KHDRBS2: variants seen among roughly 807,000 people sequenced by gnomAD.
KHDRBS2 encodes KH domain-containing, RNA-binding, signal transduction-associated protein 2.
Under a neutral mutation model 44.3 loss-of-function variants are expected in KHDRBS2, and 26 were observed. That is an observed-to-expected ratio of 0.59 (90% CI 0.43 to 0.81). The LOEUF (loss-of-function observed/expected upper bound fraction) is 0.81. Among genes scored for constraint, KHDRBS2 ranks in the 40% least tolerant of loss-of-function variants. The pLI is 0.00. For missense variants in KHDRBS2, 476 were observed against 433.1 expected, an observed-to-expected ratio of 1.10 and a Z score of -0.88; for synonymous variants, 194 against 151.1, an observed-to-expected ratio of 1.28 and a Z score of -2.08.
intron 1 of KHDRBS2, among the ~76,000 whole-genome samples, chr6:62,273,721 C>G (rs1339090982): frequency 1.3e-5 from 2 of 152,106 alleles, no homozygotes; most frequent in Non-Finnish European, 2.9e-5. Context: ...CCATCTTTCT[C>G]CAGACCCAAC....
At chr6:62,123,404 G>T (rs1407660358) in intron 2 of KHDRBS2, among the ~76,000 whole-genome samples, 5 of 152,084 alleles carry the variant, frequency 3.3e-5, no homozygotes, top group Non-Finnish European at 7.3e-5. Flanking sequence ...AAACTTTTGG[G>T]TATATACCCA....
intron 2 of KHDRBS2, among the ~76,000 whole-genome samples, chr6:62,163,447 A>T (rs929366956): frequency 2.0e-5 from 3 of 152,022 alleles, no homozygotes; most frequent in African/African-American, 7.2e-5. Flanking sequence ...TCATATACAG[A>T]CTGATGAGTA....
At chr6:62,133,295 T>C (rs1810767351) in intron 2 of KHDRBS2, among the ~76,000 whole-genome samples, 1 of 152,170 alleles carries the variant, frequency 6.6e-6, no homozygotes, top group African/African-American at 2.4e-5. Context: ...TGGGGGCAGC[T>C]TTCCCCACAC....
chr6:61,957,836 A>T (rs1767754457), intron 4 of KHDRBS2, among the ~76,000 whole-genome samples: 1 of 152,042 alleles, frequency 6.6e-6, no homozygotes, highest in Non-Finnish European at 1.5e-5. Flanking sequence ...TTTGAAAATC[A>T]CTAATAAAAA....
chr6:62,271,455 A>G (rs1420297679), intron 1 of KHDRBS2, among the ~76,000 whole-genome samples: 1 of 152,226 alleles, frequency 6.6e-6, no homozygotes, highest in African/African-American at 2.4e-5. Flanking sequence ...TATGTATTAT[A>G]CAATACTTTT....
chr6:62,170,355 A>C (rs2150118793), intron 2 of KHDRBS2, among the ~76,000 whole-genome samples: 1 of 152,176 alleles, frequency 6.6e-6, no homozygotes, highest in African/African-American at 2.4e-5. Flanking sequence ...CATGGACCAA[A>C]ACATCCAGCA....
intron 1 of KHDRBS2, among the ~76,000 whole-genome samples, chr6:62,232,779 C>G (rs1233663366): frequency 6.6e-6 from 1 of 152,080 alleles, no homozygotes; most frequent in Admixed American, 6.6e-5. Flanking sequence ...GTTTTAACTG[C>G]AAGTAACAAA....
At chr6:61,936,530 T>C (rs1317803011) in intron 4 of KHDRBS2, among the ~76,000 whole-genome samples, 3 of 152,108 alleles carry the variant, frequency 2.0e-5, no homozygotes, top group Non-Finnish European at 4.4e-5. Flanking sequence ...TTTTTTTATA[T>C]TTGAATATTG....
the KHDRBS2 span, among the ~76,000 whole-genome samples, chr6:61,621,401 T>C: frequency 1.2e-4 from 19 of 152,174 alleles, no homozygotes; most frequent in African/African-American, 4.1e-4. Flanking sequence ...AGTTAATAGA[T>C]AGACATGAAA....
chr6:62,259,274 G>C (rs1489423874), intron 1 of KHDRBS2, among the ~76,000 whole-genome samples: 1 of 151,916 alleles, frequency 6.6e-6, no homozygotes, highest in Non-Finnish European at 1.5e-5. Flanking sequence ...CAATATTTAT[G>C]TCAGGATCAT....
At chr6:61,757,236 GCT>G (rs1437291287) in intron 6 of KHDRBS2, among the ~76,000 whole-genome samples, 1 of 152,044 alleles carries the variant, frequency 6.6e-6, no homozygotes, top group Admixed American at 6.6e-5. Flanking sequence ...CTGTATACCT[GCT>G]CTCTGTTATT....
Position 62,178,926 on chromosome 6 carries a change from T to C in KHDRBS2, c.92-1614A>G, listed in dbSNP as rs191663917. 4.4e-4 allele frequency among the ~76,000 whole-genome samples: 67 copies of C among 151,678 alleles called. No homozygotes were observed. In the East Asian group the frequency reaches 5.2e-3, roughly 12 times the overall value. On this transcript the variant is annotated intron_variant, in intron 1 of 8. Coordinates refer to ENST00000281156, the MANE Select transcript of KHDRBS2 (RefSeq NM_152688.4). ...TTATTAAGTATGAACATGTTTCATA[T>C]AAATTTATTTATATTGCATTTTACA...
At chr6:61,928,855 A>G (rs72882438) in intron 4 of KHDRBS2, among the ~76,000 whole-genome samples, 85 of 152,220 alleles carry the variant, frequency 5.6e-4, no homozygotes, top group Non-Finnish European at 1.1e-3. Flanking sequence ...TTAGAAACAT[A>G]TTATAAAACT....
chr6:61,558,286 G>T, the KHDRBS2 span, among the ~76,000 whole-genome samples: 1 of 152,112 alleles, frequency 6.6e-6, no homozygotes, highest in East Asian at 1.9e-4. Context: ...CCTTGGCTGG[G>T]TGCAGTGGCT....
At chr6:61,827,711 A>G (rs1791125222) in intron 6 of KHDRBS2, among the ~76,000 whole-genome samples, 2 of 152,112 alleles carry the variant, frequency 1.3e-5, no homozygotes, top group African/African-American at 4.8e-5. Context: ...GACTCTGGTG[A>G]GGACTCTCTT....
At chr6:61,949,758 C>T (rs546527310) in intron 4 of KHDRBS2, among the ~76,000 whole-genome samples, 12 of 151,776 alleles carry the variant, frequency 7.9e-5, no homozygotes, top group African/African-American at 2.9e-4. Flanking sequence ...AAGAATAATG[C>T]ATATCAACAG....
chr6:61,563,232 G>A, the KHDRBS2 span, among the ~76,000 whole-genome samples: 2 of 151,964 alleles, frequency 1.3e-5, no homozygotes, highest in African/African-American at 2.4e-5. Context: ...AAAATATCAC[G>A]TTCTCAACTA....
At chr6:62,079,707 C>T (rs1797027397) in intron 2 of KHDRBS2, among the ~76,000 whole-genome samples, 2 of 152,008 alleles carry the variant, frequency 1.3e-5, no homozygotes, top group Admixed American at 1.3e-4. Context: ...AGAGTGATAT[C>T]TAATATAATT....
At chr6:61,722,101 A>T (rs1442226027) in intron 7 of KHDRBS2, among the ~76,000 whole-genome samples, 5 of 152,120 alleles carry the variant, frequency 3.3e-5, no homozygotes, top group Admixed American at 3.3e-4. Context: ...GCGTGTGTTG[A>T]ACCAGCCTTG....
Sources: allele counts gnomAD v4.1 joint callset (sites outside exome capture counted in the v4.1 genomes callset), GRCh38; gene constraint gnomAD v4.1.1; transcripts MANE v1.5; gene names NCBI Gene and HGNC (gene_info 2026-07-23, HGNC 2026-07-21).